PLA2G7: variants seen among roughly 807,000 people sequenced by gnomAD.
The protein encoded by PLA2G7 is phospholipase A2 group VII, also known as platelet-activating factor acetylhydrolase.
Under a neutral mutation model 49.6 loss-of-function variants are expected in PLA2G7, and 63 were observed. The observed-to-expected ratio is 1.27, with a 90% CI of 1.04 to 1.57. PLA2G7 has a LOEUF of 1.57. PLA2G7 is among the 40% of genes most tolerant of loss of function. The pLI is 0.00. For missense variants in PLA2G7, 596 were observed against 521.2 expected, an observed-to-expected ratio of 1.14 and a Z score of -1.40; for synonymous variants, 193 against 169.9, an observed-to-expected ratio of 1.14 and a Z score of -1.06.
At chr6:46,732,541 A>C (rs1344538163) in intron 1 of PLA2G7, among the ~76,000 whole-genome samples, 1 of 152,122 alleles carries the variant, frequency 6.6e-6, no homozygotes, top group Non-Finnish European at 1.5e-5. Context: ...AGTACCTGGC[A>C]CTTAGGATCT....
intron 8 of PLA2G7, among the ~76,000 whole-genome samples, chr6:46,709,956 G>A (rs1456697680): frequency 6.6e-6 from 1 of 152,154 alleles, no homozygotes. Flanking sequence ...TGCTCAACTG[G>A]AGTCTTGAAA....
At chr6:46,732,368 T>C (rs200075033) in intron 1 of PLA2G7, among the ~76,000 whole-genome samples, 27 of 140,934 alleles carry the variant, frequency 1.9e-4, no homozygotes, top group East Asian at 1.3e-3. Flanking sequence ...AACACACACA[T>C]ACACACACAC....
chr6:46,712,554 T>C (rs780955133), intron 5 of PLA2G7, among the ~76,000 whole-genome samples: 6 of 152,062 alleles, frequency 3.9e-5, no homozygotes, highest in African/African-American at 7.2e-5. Flanking sequence ...TGGGCGAGGG[T>C]ATTTCTGGTG....
At chr6:46,719,265 G>A (rs1765316913) in intron 2 of PLA2G7, among the ~76,000 whole-genome samples, 1 of 152,160 alleles carries the variant, frequency 6.6e-6, no homozygotes, top group Non-Finnish European at 1.5e-5. Context: ...TTGAGTCATG[G>A]GAAGAAACCA....
intron 1 of PLA2G7, among the ~76,000 whole-genome samples, chr6:46,733,302 C>T (rs1284974563): frequency 1.3e-5 from 2 of 152,186 alleles, no homozygotes; most frequent in African/African-American, 4.8e-5. Flanking sequence ...AATGAGGACC[C>T]AGCTGTCCCA....
chr6:46,718,363 T>C (rs545666735), intron 2 of PLA2G7, among the ~76,000 whole-genome samples: 1 of 152,376 alleles, frequency 6.6e-6, no homozygotes, highest in South Asian at 2.1e-4. Flanking sequence ...AAGCCAATAC[T>C]CTGCTACTTG....
chr6:46,721,481 G>C (rs1582580265), intron 2 of PLA2G7, among the ~76,000 whole-genome samples: 1 of 151,810 alleles, frequency 6.6e-6, no homozygotes, highest in Non-Finnish European at 1.5e-5. Context: ...TAAAGACAAA[G>C]GGATTTTAAA....
chr6:46,730,644 G>A (rs890209733), intron 1 of PLA2G7, among the ~76,000 whole-genome samples: 22 of 152,090 alleles, frequency 1.4e-4, no homozygotes, highest in Non-Finnish European at 8.8e-5. Context: ...TTCCATGTAG[G>A]AATGGCAGCT....
intron 1 of PLA2G7, among the ~76,000 whole-genome samples, chr6:46,733,194 A>T (rs1765788369): frequency 6.6e-6 from 1 of 152,172 alleles, no homozygotes; most frequent in Admixed American, 6.5e-5. Flanking sequence ...GTGGTAAGTC[A>T]TATTCATGTG....
intron 1 of PLA2G7, among the ~76,000 whole-genome samples, chr6:46,732,535 C>A (rs577129069): frequency 6.6e-6 from 1 of 152,168 alleles, no homozygotes; most frequent in African/African-American, 2.4e-5. Context: ...GTACTCAGTA[C>A]CTGGCACTTA....
rs571172987 is a variant in PLA2G7 at position 46,725,833 on chromosome 6, G to A, written c.-34-2908C>T. Among the ~76,000 whole-genome samples, 3 of 152,286 alleles carry A rather than the reference G, an allele frequency of 2.0e-5. No individual in the cohort carries two copies. The East Asian group carries it at 5.8e-4, about 29-fold the overall frequency. The stretch of plus-strand genomic sequence containing the variant: ...CATGCACACTGAAGGGGCCAAGGGG[G>A]CCACGGGTGGCATTCCCCTTGGACC... On this transcript the variant is annotated intron_variant, in intron 1 of 11. Coordinates refer to ENST00000274793, the MANE Select transcript of PLA2G7 (RefSeq NM_005084.4).
intron 5 of PLA2G7, among the ~76,000 whole-genome samples, chr6:46,712,970 C>T (rs1289601260): frequency 1.3e-5 from 2 of 152,200 alleles, no homozygotes; most frequent in Non-Finnish European, 2.9e-5. Flanking sequence ...AATATTTTTG[C>T]TGCCTTGGTT....
chr6:46,709,259 T>C, intron 9 of PLA2G7, 68 bp downstream of exon 9: 1 of 941,680 alleles, frequency 1.1e-6, no homozygotes. Context: ...GAATAAAAAA[T>C]TATATCTCAC....
At position 46,708,136 on chromosome 6, in the gene PLA2G7, T is replaced by C; in HGVS notation, c.895A>G (p.Met299Val). Reference protein sequence around the residue: ...FRCGIALDAWMFPLGDEVYSR... With the variant: ...FRCGIALDAWVFPLGDEVYSR... ...TATACTTCATCACCCAGTGGAAACA[T>C]CCATGCATCCAGGGCAATACCACAT... The change falls in exon 10 of 12, where the codon ATG (methionine) becomes GTG (valine). Residue 299 changes from methionine to valine, a missense_variant. Met to Val is a conservative substitution (Grantham distance 21). Coordinates refer to ENST00000274793, the MANE Select transcript of PLA2G7 (RefSeq NM_005084.4). 2 of 1,612,728 alleles carry C rather than the reference T, an allele frequency of 1.2e-6. No homozygotes were observed. Among genetic ancestry groups the C allele is most frequent in the Non-Finnish European group, 1.7e-6 (2 of 1,178,868 alleles).
rs1765018873 is a variant in PLA2G7 at position 46,711,483 on chromosome 6, C to T, written c.663+13G>A. ...TTAGGTCACCAACCACCTCTCCTTT[C>T]ACTGCAATGTACCTGCTCATTTCGT... is the stretch of plus-strand genomic sequence containing the variant. On this transcript the variant is annotated intron_variant, in intron 7 of 11. Transcript: ENST00000274793. 2.5e-6 allele frequency: 4 copies of T among 1,613,230 alleles called. No homozygotes were observed. In the South Asian group the frequency reaches 3.3e-5, roughly 13 times the overall value.
chr6:46,716,746 G>T (rs1277291647), intron 3 of PLA2G7, among the ~76,000 whole-genome samples: 1 of 152,216 alleles, frequency 6.6e-6, no homozygotes. Context: ...AAGCAGCCTG[G>T]CTTCAGGTAT....
chr6:46,723,209 T>C (rs766996322), intron 1 of PLA2G7, among the ~76,000 whole-genome samples: 3 of 152,186 alleles, frequency 2.0e-5, no homozygotes, highest in Non-Finnish European at 4.4e-5. Context: ...TTTATAACAG[T>C]ATGGTCAGCT....
intron 4 of PLA2G7, among the ~76,000 whole-genome samples, chr6:46,716,054 G>A (rs932105030): frequency 2.6e-5 from 4 of 152,074 alleles, no homozygotes; most frequent in Admixed American, 2.0e-4. Flanking sequence ...CAGAGCATGC[G>A]GGATAGTGGC....
intron 1 of PLA2G7, among the ~76,000 whole-genome samples, chr6:46,734,441 AG>A (rs1765838640): frequency 2.1e-5 from 1 of 48,090 alleles, no homozygotes; most frequent in African/African-American, 2.1e-4. Context: ...AGAGAGAGAG[AG>A]AGAGAGAGAG....
Sources: gnomAD v4.1 joint callset for allele counts (sites outside exome capture counted in the v4.1 genomes callset) on GRCh38, gnomAD v4.1.1 for gene constraint, MANE v1.5 for transcripts, NCBI Gene and HGNC (gene_info 2026-07-23, HGNC 2026-07-21) for gene names.